Variants in DDX59 observed in about 807,000 individuals in gnomAD.
The protein encoded by DDX59 is DEAD-box helicase 59.
Under a neutral mutation model 51.9 loss-of-function variants are expected in DDX59, and 30 were observed. The observed-to-expected ratio is 0.58, with a 90% CI of 0.43 to 0.78. DDX59 has a LOEUF of 0.78. DDX59 is among the 30% of genes least tolerant of loss of function. DDX59 has a pLI of 0.00. For synonymous variants in DDX59, 255 were observed against 253.3 expected (o/e 1.01, Z -0.06); for missense variants, 672 against 730.8 (o/e 0.92, Z 0.93).
chr1:200,665,915 G>T, intron 2 of DDX59, 22 bp downstream of exon 2: 3 of 1,553,330 alleles, frequency 1.9e-6, no homozygotes, highest in Non-Finnish European at 2.6e-6. Context: ...TAATACATGT[G>T]AACTCTATTA....
intron 1 of DDX59, among the ~76,000 whole-genome samples, chr1:200,668,575 T>C (rs944044838): frequency 6.6e-6 from 1 of 152,144 alleles, no homozygotes. Flanking sequence ...AGGAAGAAAA[T>C]AAAAATGTTT....
In DDX59 at chr1:200,648,448, A is replaced by G; in HGVS notation, c.1587T>C (p.Tyr529=). Residue 529 remains tyrosine, a synonymous_variant, in exon 7 of 8, where the codon TAT becomes TAC. Coordinates refer to ENST00000331314, the MANE Select transcript of DDX59 (RefSeq NM_001031725.6). ...ATATAAAGCTCCTTACCTGATGGAC[A>G]TACTCATCCATACTTGAAGGCATAT... ...NFDMPSSMDE[Y]VHQIGRVGRL... 6.2e-7 allele frequency: 1 copy of G among 1,614,122 alleles called. No homozygotes were observed.
At position 200,666,398 on chromosome 1, in the gene DDX59, C is replaced by CA; in HGVS notation, c.342dup (p.Gly115TrpfsTer6). On this transcript the variant is annotated frameshift_variant, in exon 2 of 8. Coordinates refer to ENST00000331314, the MANE Select transcript of DDX59 (RefSeq NM_001031725.6). LOFTEE classifies it high-confidence loss of function. ...TCTGTCTTATCACAGATATACTCTC[C>CA]ATAACGACCACAGACAACACAGATG... The CA allele has an allele frequency of 6.2e-7, 1 of 1,614,184 alleles. No homozygotes were observed. The highest frequency in any genetic ancestry group is 8.5e-7 in the Non-Finnish European group (1 of 1,180,034).
chr1:200,642,262 T>C (rs1013882978), downstream of DDX59, among the ~76,000 whole-genome samples: 2 of 152,150 alleles, frequency 1.3e-5, no homozygotes, highest in Non-Finnish European at 2.9e-5. Context: ...TAATTAAAAA[T>C]TTAAACTGTA....
chr1:200,664,060 A>C lies in DDX59; in HGVS notation c.831T>G (p.Leu277=), dbSNP rs577269404. 1 of 1,613,520 alleles carries C rather than the reference A, an allele frequency of 6.2e-7. No individual in the cohort carries two copies. Among genetic ancestry groups the C allele is most frequent in the Non-Finnish European group, 8.5e-7 (1 of 1,179,864 alleles). ...GAATGGCTAACTCTCTGGTTGGTGT[A>C]AGAATGAGCGCAGATGGAGTTTTGC... ...FESKTPSALI[L]TPTRELAIQI... Residue 277 remains leucine, a synonymous_variant, in exon 3 of 8, where the codon CTT becomes CTG. Transcript: ENST00000331314.
At chr1:200,664,832 T>G (rs541724080) in intron 2 of DDX59, among the ~76,000 whole-genome samples, 1 of 152,248 alleles carries the variant, frequency 6.6e-6, no homozygotes, top group East Asian at 1.9e-4. Context: ...TGCGCCATCA[T>G]GCCCGGCTAA....
At chr1:200,662,421 G>A (rs535285140) in intron 3 of DDX59, among the ~76,000 whole-genome samples, 78 of 152,232 alleles carry the variant, frequency 5.1e-4, no homozygotes, top group Middle Eastern at 3.4e-3. Context: ...TTGGGAGGCC[G>A]AGGCAGGTGG....
chr1:200,650,107 G>T (rs1442824903), intron 5 of DDX59, among the ~76,000 whole-genome samples: 1 of 152,070 alleles, frequency 6.6e-6, no homozygotes, highest in East Asian at 1.9e-4. Flanking sequence ...GCCTCCTAAA[G>T]TGCTGGGATT....
chr1:200,659,275 T>C (rs1456472626), intron 3 of DDX59, among the ~76,000 whole-genome samples, 159 bp from the exon 4 acceptor site: 1 of 152,186 alleles, frequency 6.6e-6, no homozygotes, highest in East Asian at 1.9e-4. Flanking sequence ...CTCATGAAAC[T>C]TGTAATACAA....
Position 200,644,396 on chromosome 1 carries a change from G to C in DDX59, c.1718C>G (p.Pro573Arg). The change falls in exon 8 of 8, where the codon CCT (proline) becomes CGT (arginine). Residue 573 changes from proline to arginine, a missense_variant. Pro to Arg is a moderately radical substitution (Grantham distance 103). Coordinates refer to ENST00000331314, the MANE Select transcript of DDX59 (RefSeq NM_001031725.6). ...AAGGTATGGGGAATTTAATAACTGA[G>C]GGGGAAGAATGGATCCTGTGGGCTT... ...RVKPTGSILP[P>R]QLLNSPYLHD... The C allele has an allele frequency of 6.2e-7, 1 of 1,613,860 alleles. No homozygotes were observed. The highest frequency in any genetic ancestry group is 8.5e-7 in the Non-Finnish European group (1 of 1,179,916).
chr1:200,650,777 C>A, intron 4 of DDX59, 101 bp from the exon 5 acceptor site: 4 of 1,109,030 alleles, frequency 3.6e-6, no homozygotes, highest in African/African-American at 1.6e-5. Context: ...ATTAAAAATT[C>A]CTAAATAGAA....
intron 1 of DDX59, among the ~76,000 whole-genome samples, chr1:200,667,582 T>A (rs1266107336): frequency 2.0e-5 from 3 of 152,252 alleles, no homozygotes; most frequent in Non-Finnish European, 2.9e-5. Flanking sequence ...ACTGATTATT[T>A]GCACTTTGAA....
intron 7 of DDX59, among the ~76,000 whole-genome samples, chr1:200,644,917 AGG>A (rs1406302979): frequency 7.1e-6 from 1 of 140,962 alleles, no homozygotes; most frequent in East Asian, 2.0e-4. Context: ...AAAAAAAAAA[AGG>A]AGCTTTACTA....
In DDX59 at chr1:200,658,704, C is replaced by T. The variant is rs183912649; in HGVS notation, c.1062+323G>A. On this transcript the variant is annotated intron_variant, in intron 4 of 7. Transcript: ENST00000331314. ...TAAGCAACAGAGCAAGACCCTGTCT[C>T]ATTACTTGACACTGACTATTTTTGT... 2.4e-3 allele frequency among the ~76,000 whole-genome samples: 358 copies of T among 152,198 alleles called. 1 individual carries two copies. The highest frequency in any genetic ancestry group is 8.2e-3 in the African/African-American group (342 of 41,516).
At chr1:200,641,599 T>C (rs1661051954), downstream of DDX59, among the ~76,000 whole-genome samples, 1 of 152,212 alleles carries the variant, frequency 6.6e-6, no homozygotes, top group African/African-American at 2.4e-5. Flanking sequence ...CTGGGTGTGG[T>C]GGCTCACGCC....
At chr1:200,669,455 A>C (rs1315097854) in intron 1 of DDX59, 1 of 152,610 alleles carries the variant, frequency 6.6e-6, no homozygotes, top group Non-Finnish European at 1.5e-5. Context: ...GGGACGGCGG[A>C]CGGCTGGCGG....
In DDX59 at chr1:200,644,099, G is replaced by C; in HGVS notation, c.*155C>G. ...ATTTTCTGATGTTTTTAATTTATAA[G>C]AATTAAGGGAAATAAATACAATATA... On this transcript the variant is annotated 3_prime_UTR_variant, in exon 8 of 8. Transcript: ENST00000331314. 1.6e-6 allele frequency: 1 copy of C among 616,728 alleles called. No individual in the cohort carries two copies. The highest frequency in any genetic ancestry group is 2.1e-6 in the Non-Finnish European group (1 of 469,102). The allele number at this position is 616,728 out of a possible 1,614,324, so 38.2% of individuals were successfully genotyped here. A position where few individuals can be genotyped will look rare whatever the true frequency, so the allele number is the denominator to read the frequency against.
intron 7 of DDX59, among the ~76,000 whole-genome samples, chr1:200,647,839 T>G (rs1319737700): frequency 6.6e-6 from 1 of 151,260 alleles, no homozygotes; most frequent in Non-Finnish European, 1.5e-5. Context: ...CCAGGTGTGG[T>G]GGTGGGCACC....
chr1:200,666,800 C>T (rs1186504575), intron 1 of DDX59, 49 bp from the exon 2 acceptor site: 1 of 1,539,162 alleles, frequency 6.5e-7, no homozygotes, highest in Admixed American at 1.9e-5. Flanking sequence ...TAATAAAGTT[C>T]ACATATAAAG....
Sources: allele counts gnomAD v4.1 joint callset (sites outside exome capture counted in the v4.1 genomes callset), GRCh38; gene constraint gnomAD v4.1.1; transcripts MANE v1.5; gene names NCBI Gene and HGNC (gene_info 2026-07-23, HGNC 2026-07-21).